The following NREP variants were observed in gnomAD, a reference collection of about 807,000 sequenced individuals.
The protein encoded by NREP is neuronal regeneration related protein.
In NREP, 5 loss-of-function variants were observed where a neutral mutation model predicts 8.6. The observed-to-expected ratio is 0.58, with a 90% confidence interval of 0.30 to 1.22. NREP has a LOEUF of 1.22. Ranked by LOEUF, NREP falls within the 50% of genes most tolerant of loss-of-function variation. NREP has a pLI of 0.07. For missense variants in NREP, 86 were observed against 82.5 expected (o/e 1.04, Z -0.17); for synonymous variants, 27 against 28.0 (o/e 0.96, Z 0.11).
At chr5:111,881,349 C>T (rs997032069) in intron 2 of NREP, among the ~76,000 whole-genome samples, 2 of 152,172 alleles carry the variant, frequency 1.3e-5, no homozygotes, top group Non-Finnish European at 2.9e-5. Context: ...TGGAGCCCAC[C>T]ACAGCTCAAG....
chr5:111,792,895 G>C (rs1428971252), intron 2 of NREP, among the ~76,000 whole-genome samples: 1 of 152,198 alleles, frequency 6.6e-6, no homozygotes, highest in Non-Finnish European at 1.5e-5. Flanking sequence ...ATCAGGATGG[G>C]AAAATTTTTT....
intron 2 of NREP, among the ~76,000 whole-genome samples, chr5:111,874,160 G>T (rs1328438202): frequency 6.6e-6 from 1 of 151,892 alleles, no homozygotes; most frequent in Non-Finnish European, 1.5e-5. Context: ...GCCCAAGATA[G>T]GACATGTTCA....
At chr5:111,913,818 G>C (rs1033195676) in intron 2 of NREP, among the ~76,000 whole-genome samples, 2 of 152,042 alleles carry the variant, frequency 1.3e-5, no homozygotes, top group African/African-American at 4.8e-5. Context: ...GGTATGAGAG[G>C]ATAAGAGAAG....
chr5:111,738,723 G>C lies in NREP; in HGVS notation c.4-3216C>G, dbSNP rs1201382978. ...AATTTACTTTTAAAAATGTGTTATG[G>C]GCTGACTTGTATCACCTCAAAATTC... On this transcript the variant is annotated intron_variant, in intron 2 of 3. Transcript: ENST00000257435. The C allele has an allele frequency of 3.9e-5, 6 of 152,122 alleles. 1 individual carries two copies. The highest frequency in any genetic ancestry group is 7.2e-5 in the African/African-American group (3 of 41,416). 9.4% of individuals were successfully genotyped at this position (152,122 alleles called of 1,614,324 possible). A position where few individuals can be genotyped will look rare whatever the true frequency, so the allele number is the denominator to read the frequency against.
At chr5:111,775,078 A>G (rs1421903697) in intron 2 of NREP, among the ~76,000 whole-genome samples, 2 of 152,084 alleles carry the variant, frequency 1.3e-5, no homozygotes, top group East Asian at 3.9e-4. Flanking sequence ...TCTTTAAGAG[A>G]TGGCGTTTTG....
intron 2 of NREP, among the ~76,000 whole-genome samples, chr5:111,767,031 T>TC (rs1751100833): frequency 6.6e-6 from 1 of 152,130 alleles, no homozygotes; most frequent in Non-Finnish European, 1.5e-5. Flanking sequence ...TTAACATTCC[T>TC]CCCACCCTAA....
In NREP at chr5:111,805,911, AGT is replaced by A. The variant is rs904670279; in HGVS notation, c.136-70406_136-70405del. 8.1e-5 allele frequency among the ~76,000 whole-genome samples: 11 copies of A among 136,134 alleles called. No individual in the cohort carries two copies. The East Asian group carries it at 2.5e-3, about 30-fold the overall frequency. The allele number at this position is 136,134 out of a possible 152,430, so 89.3% of individuals were successfully genotyped here. ...TATGGCATGCTTGAAAATTGTTGAG[AGT>A]ATATTTTAAATGTTCTCATCACAAA... On this transcript the variant is annotated intron_variant, in intron 2 of 3. Coordinates refer to the NREP transcript ENST00000395634.
At chr5:111,914,488 C>T (rs1346394233) in intron 2 of NREP, among the ~76,000 whole-genome samples, 4 of 152,138 alleles carry the variant, frequency 2.6e-5, no homozygotes, top group African/African-American at 9.7e-5. Context: ...TCTGCCTTTG[C>T]CTCTTTTGGA....
Position 111,784,438 on chromosome 5 carries a change from A to G in NREP, c.136-48931T>C, listed in dbSNP as rs180685803. Among the ~76,000 whole-genome samples, 13 of 152,044 alleles carry G rather than the reference A, an allele frequency of 8.6e-5. No individual in the cohort carries two copies. The East Asian group carries it at 2.3e-3, about 27-fold the overall frequency. ...GCCTCATATGGGGGAAAAAGAAGCAATATTTATTAGGAACTCATTTAAGGT... is the reference window on the plus strand; with the variant it reads ...GCCTCATATGGGGGAAAAAGAAGCAGTATTTATTAGGAACTCATTTAAGGT... On this transcript the variant is annotated intron_variant, in intron 2 of 3. Transcript: ENST00000395634.
intron 2 of NREP, among the ~76,000 whole-genome samples, chr5:111,844,016 G>A (rs1037581126): frequency 5.3e-5 from 8 of 152,142 alleles, no homozygotes; most frequent in African/African-American, 1.9e-4. Context: ...ATAGTGGAAG[G>A]TTGAAAGTAA....
chr5:111,788,448 G>C (rs145230358), intron 2 of NREP, among the ~76,000 whole-genome samples: 8 of 152,262 alleles, frequency 5.3e-5, no homozygotes, highest in Non-Finnish European at 1.2e-4. Flanking sequence ...CTGACACTGT[G>C]TGATGTAGAA....
intron 2 of NREP, among the ~76,000 whole-genome samples, chr5:111,959,377 T>C (rs1300543503): frequency 6.6e-6 from 1 of 151,958 alleles, no homozygotes; most frequent in Admixed American, 6.6e-5. Flanking sequence ...TGTTCTTTTT[T>C]CTGATCTGGG....
chr5:111,826,560 A>T lies in NREP; in HGVS notation c.136-91053T>A, dbSNP rs191009733. On this transcript the variant is annotated intron_variant, in intron 2 of 3. Transcript: ENST00000395634. ...ACATCTGAAGGAACAAACTCAGGAC[A>T]CACCATCTTTAAGAACTTTAACACC... Among the ~76,000 whole-genome samples, 29 of 152,322 alleles carry T rather than the reference A, an allele frequency of 1.9e-4. 1 individual carries two copies. The highest frequency in any genetic ancestry group is 1.5e-3 in the South Asian group (7 of 4,824).
chr5:111,819,236 T>G (rs1285651725), intron 2 of NREP, among the ~76,000 whole-genome samples: 1 of 152,206 alleles, frequency 6.6e-6, no homozygotes, highest in Non-Finnish European at 1.5e-5. Flanking sequence ...CTGAGTCACC[T>G]GTTCTCTAAC....
chr5:111,770,132 C>G (rs986969953), intron 2 of NREP, among the ~76,000 whole-genome samples: 1 of 152,136 alleles, frequency 6.6e-6, no homozygotes, highest in African/African-American at 2.4e-5. Context: ...TATTGTAAAC[C>G]TTCTGCTGGC....
intron 2 of NREP, among the ~76,000 whole-genome samples, chr5:111,937,730 C>T: frequency 6.6e-6 from 1 of 152,142 alleles, no homozygotes; most frequent in East Asian, 1.9e-4. Context: ...CTTTTCCAGG[C>T]TTCTCTACTT....
intron 2 of NREP, among the ~76,000 whole-genome samples, chr5:111,954,063 T>C (rs2112639651): frequency 6.6e-6 from 1 of 152,240 alleles, no homozygotes; most frequent in South Asian, 2.1e-4. Context: ...TAAAGTGAAT[T>C]GACATTTAGC....
At chr5:111,888,754 C>G (rs1260821459) in intron 2 of NREP, among the ~76,000 whole-genome samples, 1 of 152,102 alleles carries the variant, frequency 6.6e-6, no homozygotes, top group Non-Finnish European at 1.5e-5. Context: ...GTGCTTTGCC[C>G]CAAGCAAACA....
intron 2 of NREP, among the ~76,000 whole-genome samples, chr5:111,881,189 C>G (rs2661418): frequency 2.0e-5 from 3 of 151,266 alleles, no homozygotes; most frequent in Non-Finnish European, 4.4e-5. Flanking sequence ...ACACCTGGCT[C>G]AGAGGGTCCT....
Sources: allele counts gnomAD v4.1 joint callset (sites outside exome capture counted in the v4.1 genomes callset), GRCh38; gene constraint gnomAD v4.1.1; transcripts MANE v1.5; gene names NCBI Gene and HGNC (gene_info 2026-07-23, HGNC 2026-07-21).